The following GNG12 variants were observed in gnomAD, a reference collection of about 807,000 sequenced individuals.
GNG12 encodes the protein guanine nucleotide-binding protein G(I)/G(S)/G(O) subunit gamma-12.
For synonymous variants in GNG12, 28 were observed against 29.7 expected (o/e 0.94, Z 0.19); for missense variants, 69 against 83.8 (o/e 0.82, Z 0.69).
chr1:67,763,287 T>C (rs1401123093), intron 2 of GNG12, among the ~76,000 whole-genome samples: 1 of 152,210 alleles, frequency 6.6e-6, no homozygotes, highest in Non-Finnish European at 1.5e-5. Flanking sequence ...ATTATCCCAA[T>C]AATGTCCTTT....
intron 2 of GNG12, among the ~76,000 whole-genome samples, chr1:67,773,403 T>C (rs1255293301): frequency 6.6e-6 from 1 of 152,190 alleles, no homozygotes; most frequent in East Asian, 1.9e-4. Context: ...ATATTTCCTC[T>C]TGTAATAAAT....
At chr1:67,801,093 T>C (rs1265564096) in intron 1 of GNG12, among the ~76,000 whole-genome samples, 1 of 152,028 alleles carries the variant, frequency 6.6e-6, no homozygotes, top group Non-Finnish European at 1.5e-5. Context: ...CAGGAAACTT[T>C]CCTAGAGCAG....
chr1:67,740,077 G>A (rs1646474085), intron 2 of GNG12, among the ~76,000 whole-genome samples: 1 of 152,086 alleles, frequency 6.6e-6, no homozygotes, highest in Non-Finnish European at 1.5e-5. Flanking sequence ...ACCACTGAAG[G>A]CATGATTTTT....
intron 2 of GNG12, among the ~76,000 whole-genome samples, chr1:67,723,513 T>G (rs184481259): frequency 6.6e-6 from 1 of 152,218 alleles, no homozygotes; most frequent in Admixed American, 6.5e-5. Context: ...TTAGTGTTGT[T>G]TTCTATGTAC....
chr1:67,821,692 T>G lies in GNG12; in HGVS notation c.-77+11652A>C, dbSNP rs559406714. 2.6e-5 allele frequency among the ~76,000 whole-genome samples: 4 copies of G among 152,328 alleles called. 1 individual carries two copies. Among genetic ancestry groups the G allele is most frequent in the African/African-American group, 9.6e-5 (4 of 41,586 alleles). ...ATATTTGTTGTGTTAGGCTGCTAAA[T>G]TTGTGGTAATTTGTTATAGCGGCCA... On this transcript the variant is annotated intron_variant, in intron 1 of 3. Coordinates refer to ENST00000370982, the MANE Select transcript of GNG12 (RefSeq NM_018841.6).
At chr1:67,781,834 T>A (rs114391616) in intron 1 of GNG12, among the ~76,000 whole-genome samples, 2,718 of 152,210 alleles carry the variant, frequency 0.018, 38 homozygotes, top group Non-Finnish European at 0.023. Context: ...GAAAACAGAT[T>A]GACGGAAGAA....
chr1:67,729,683 G>T (rs1294095134), intron 2 of GNG12, among the ~76,000 whole-genome samples: 1 of 152,176 alleles, frequency 6.6e-6, no homozygotes, highest in East Asian at 1.9e-4. Flanking sequence ...AATTAAACAG[G>T]TATGAGCCAG....
At chr1:67,767,205 A>T (rs491819) in intron 2 of GNG12, among the ~76,000 whole-genome samples, 12,964 of 151,986 alleles carry the variant, frequency 0.085, 697 homozygotes, top group African/African-American at 0.13. Flanking sequence ...GCCTGCCACC[A>T]CTGGACTCTC....
At chr1:67,732,827 A>C (rs149096749) in intron 2 of GNG12, among the ~76,000 whole-genome samples, 2 of 152,252 alleles carry the variant, frequency 1.3e-5, no homozygotes, top group African/African-American at 4.8e-5. Context: ...AGGGGCAGCA[A>C]GTTTCCGCAG....
intron 1 of GNG12, among the ~76,000 whole-genome samples, chr1:67,810,860 C>T (rs1011519134): frequency 6.6e-6 from 1 of 152,188 alleles, no homozygotes; most frequent in Non-Finnish European, 1.5e-5. Context: ...ATTCTTTGTA[C>T]ATGGGGACGG....
At chr1:67,745,473 C>T (rs1469681429) in intron 2 of GNG12, among the ~76,000 whole-genome samples, 1 of 152,176 alleles carries the variant, frequency 6.6e-6, no homozygotes, top group Admixed American at 6.5e-5. Flanking sequence ...AAGGAAAGTG[C>T]CCAGAAATGG....
intron 1 of GNG12, among the ~76,000 whole-genome samples, chr1:67,791,333 C>T (rs919331959): frequency 1.3e-5 from 2 of 152,132 alleles, no homozygotes; most frequent in Admixed American, 6.5e-5. Flanking sequence ...ATTCTCTCCT[C>T]TTCCTCAAAT....
Position 67,792,867 on chromosome 1 carries a change from G to A in GNG12, c.-76-15360C>T, listed in dbSNP as rs113400769. 6.8e-4 allele frequency among the ~76,000 whole-genome samples: 104 copies of A among 152,280 alleles called. 1 individual carries two copies. The highest frequency in any genetic ancestry group is 2.4e-3 in the African/African-American group (99 of 41,550). ...AGTCTCCAATATATTTGGGTTTTCT[G>A]GCTGCCTGGCCAGTATTGGTGCTTT... On this transcript the variant is annotated intron_variant, in intron 1 of 3. Transcript: ENST00000370982.
At chr1:67,768,233 T>G (rs1040879518) in intron 2 of GNG12, among the ~76,000 whole-genome samples, 1 of 152,248 alleles carries the variant, frequency 6.6e-6, no homozygotes, top group African/African-American at 2.4e-5. Context: ...ATTTTATTGA[T>G]GCAGAAATTG....
chr1:67,714,438 G>A (rs1646313327), intron 2 of GNG12, among the ~76,000 whole-genome samples: 1 of 152,144 alleles, frequency 6.6e-6, no homozygotes, highest in South Asian at 2.1e-4. Flanking sequence ...TTTCTCATTG[G>A]AAAAATGGGG....
chr1:67,717,145 T>C (rs1240836868), intron 2 of GNG12, among the ~76,000 whole-genome samples: 3 of 152,188 alleles, frequency 2.0e-5, no homozygotes, highest in African/African-American at 4.8e-5. Context: ...AAATGGCTTA[T>C]GGTATGATCA....
At chr1:67,731,273 T>C (rs1357780212) in intron 2 of GNG12, among the ~76,000 whole-genome samples, 4 of 152,196 alleles carry the variant, frequency 2.6e-5, no homozygotes, top group Non-Finnish European at 5.9e-5. Flanking sequence ...TGGACTGCTA[T>C]GATGCTCTGG....
At chr1:67,787,098 G>A (rs1288806663) in intron 1 of GNG12, among the ~76,000 whole-genome samples, 1 of 145,850 alleles carries the variant, frequency 6.9e-6, no homozygotes, top group Admixed American at 6.8e-5. Context: ...GGAACCCACA[G>A]TAAGTCATAT....
At chr1:67,718,710 A>AAT (rs1646340902) in intron 2 of GNG12, among the ~76,000 whole-genome samples, 1 of 151,884 alleles carries the variant, frequency 6.6e-6, no homozygotes, top group Non-Finnish European at 1.5e-5. Flanking sequence ...CCTGCCCCTA[A>AAT]TCCTTCTTCA....
Sources: allele counts gnomAD v4.1 joint callset (sites outside exome capture counted in the v4.1 genomes callset), GRCh38; gene constraint gnomAD v4.1.1; transcripts MANE v1.5; gene names NCBI Gene and HGNC (gene_info 2026-07-23, HGNC 2026-07-21).